The following GPC6 variants were observed in gnomAD, a reference collection of about 807,000 sequenced individuals.
The protein encoded by GPC6 is glypican-6.
GPC6 carries 14 observed loss-of-function variants against 55.2 expected under a neutral mutation model. That is an observed-to-expected ratio of 0.25 (90% confidence interval 0.17 to 0.40). The LOEUF (loss-of-function observed/expected upper bound fraction) is 0.40, where lower values mean the gene tolerates loss of function less well. GPC6 is among the 10% of genes least tolerant of loss of function. The pLI is 1.00. For missense variants in GPC6, 641 were observed against 708.5 expected (o/e 0.90, Z 1.08); for synonymous variants, 278 against 259.6 (o/e 1.07, Z -0.68).
chr13:93,522,541 C>T (rs1270554605), intron 1 of GPC6, among the ~76,000 whole-genome samples: 1 of 151,638 alleles, frequency 6.6e-6, no homozygotes, highest in Non-Finnish European at 1.5e-5. Context: ...AACAATATTC[C>T]CTTTATGGCA....
chr13:93,585,270 AG>A (rs1462968635), intron 2 of GPC6, among the ~76,000 whole-genome samples: 7 of 152,148 alleles, frequency 4.6e-5, no homozygotes. Context: ...TCTTTTTCTC[AG>A]GAAAGTTAAA....
chr13:93,933,657 A>T (rs900733578), intron 3 of GPC6, among the ~76,000 whole-genome samples: 2 of 152,214 alleles, frequency 1.3e-5, no homozygotes, highest in African/African-American at 4.8e-5. Context: ...GTTGGCATAT[A>T]TTCAATAATG....
At chr13:93,543,154 G>A (rs6139935) in intron 1 of GPC6, among the ~76,000 whole-genome samples, 3 of 152,086 alleles carry the variant, frequency 2.0e-5, no homozygotes, top group Non-Finnish European at 1.5e-5. Flanking sequence ...GATATTGGCT[G>A]TGGGTTTGTC....
intron 2 of GPC6, among the ~76,000 whole-genome samples, chr13:93,818,005 AT>A (rs1399812620): frequency 2.0e-5 from 3 of 147,614 alleles, no homozygotes; most frequent in Non-Finnish European, 4.5e-5. Flanking sequence ...AAAAACATAA[AT>A]TATATACTTA....
intron 1 of GPC6, among the ~76,000 whole-genome samples, chr13:93,505,878 T>C (rs1400054652): frequency 6.6e-6 from 1 of 152,218 alleles, no homozygotes; most frequent in African/African-American, 2.4e-5. Flanking sequence ...TAAATTGTAG[T>C]GAATAAGAAG....
intron 3 of GPC6, among the ~76,000 whole-genome samples, chr13:93,941,937 T>C (rs1440216060): frequency 2.0e-5 from 3 of 152,156 alleles, no homozygotes; most frequent in Non-Finnish European, 2.9e-5. Flanking sequence ...CAATTTTGAC[T>C]CTTATTATTT....
At position 93,545,254 on chromosome 13, in the gene GPC6, T is replaced by C. The variant is rs1484909756; in HGVS notation, c.161-9T>C. ...GAATGCAATAGTGACATTTAACTTC[T>C]CATTGCAGGGGAACACTTAAGAATC... On this transcript the variant is annotated splice_polypyrimidine_tract_variant and intron_variant, in intron 1 of 8. Coordinates refer to ENST00000377047, the MANE Select transcript of GPC6 (RefSeq NM_005708.5). 6.2e-7 allele frequency: 1 copy of C among 1,609,364 alleles called. No individual in the cohort carries two copies. Among genetic ancestry groups the C allele is most frequent in the Non-Finnish European group, 8.5e-7 (1 of 1,175,830 alleles).
At chr13:93,615,500 C>T (rs925857125) in intron 2 of GPC6, among the ~76,000 whole-genome samples, 13 of 152,094 alleles carry the variant, frequency 8.5e-5, no homozygotes, top group African/African-American at 2.9e-4. Flanking sequence ...CATGCCTTTT[C>T]CTCCTTTGTC....
chr13:94,241,284 C>T (rs1170506746), intron 4 of GPC6, among the ~76,000 whole-genome samples: 1 of 152,240 alleles, frequency 6.6e-6, no homozygotes, highest in Non-Finnish European at 1.5e-5. Flanking sequence ...TTCAAGCCAC[C>T]TACTTTATGG....
chr13:93,315,566 A>G lies in GPC6; in HGVS notation c.160+87950A>G, dbSNP rs180932558. 2.2e-3 allele frequency among the ~76,000 whole-genome samples: 341 copies of G among 152,066 alleles called. 1 individual carries two copies. The highest frequency in any genetic ancestry group is 7.8e-3 in the African/African-American group (323 of 41,546). On this transcript the variant is annotated intron_variant, in intron 1 of 8. Coordinates refer to ENST00000377047, the MANE Select transcript of GPC6 (RefSeq NM_005708.5). Reference sequence around the variant, plus strand: ...ACTATTTTTTTGACTTTACAAGTAAATCATTCATTTTTGGAAATTTAAGTC... The same window carrying G: ...ACTATTTTTTTGACTTTACAAGTAAGTCATTCATTTTTGGAAATTTAAGTC...
In GPC6 at chr13:93,383,432, G is replaced by A. The variant is rs79089136; in HGVS notation, c.160+155816G>A. Among the ~76,000 whole-genome samples, 442 of 152,244 alleles carry A rather than the reference G, an allele frequency of 2.9e-3. 10 individuals carry two copies. Among genetic ancestry groups the A allele is most frequent in the Admixed American group, 0.026 (397 of 15,296 alleles). On this transcript the variant is annotated intron_variant, in intron 1 of 8. Transcript: ENST00000377047. Reference sequence around the variant, plus strand: ...GAGTCTCGCCATGTTGCTAAGGCTGGTCTGGAACTCCTGGCCTCAAGCAAT... The same window carrying A: ...GAGTCTCGCCATGTTGCTAAGGCTGATCTGGAACTCCTGGCCTCAAGCAAT...
At chr13:93,392,531 A>T (rs745934846) in intron 1 of GPC6, among the ~76,000 whole-genome samples, 6 of 152,224 alleles carry the variant, frequency 3.9e-5, no homozygotes, top group Non-Finnish European at 7.3e-5. Flanking sequence ...CAAGGTTTTA[A>T]CAATTAGAAA....
At chr13:93,898,966 T>TATATATATATATATATATATATATATAC (rs1251225383) in intron 3 of GPC6, among the ~76,000 whole-genome samples, 2 of 137,084 alleles carry the variant, frequency 1.5e-5, no homozygotes, top group African/African-American at 5.3e-5. Flanking sequence ...TATATATATA[T>TATATATATATATATATATATATATATAC]ACACACACAT....
At chr13:93,721,785 T>G (rs1883463648) in intron 2 of GPC6, among the ~76,000 whole-genome samples, 1 of 151,836 alleles carries the variant, frequency 6.6e-6, no homozygotes, top group African/African-American at 2.4e-5. Context: ...ATAGTATACA[T>G]GTATGTCTGT....
intron 2 of GPC6, among the ~76,000 whole-genome samples, chr13:93,683,242 A>C (rs1881920212): frequency 6.6e-6 from 1 of 151,094 alleles, no homozygotes; most frequent in South Asian, 2.1e-4. Flanking sequence ...TTTGCTGTTA[A>C]GTAACTATAG....
At chr13:93,488,430 A>G (rs1879817939) in intron 1 of GPC6, among the ~76,000 whole-genome samples, 1 of 152,188 alleles carries the variant, frequency 6.6e-6, no homozygotes, top group African/African-American at 2.4e-5. Flanking sequence ...CAATAAACAT[A>G]CGTGTGCATG....
At chr13:93,917,861 G>A (rs1250944752) in intron 3 of GPC6, among the ~76,000 whole-genome samples, 1 of 152,210 alleles carries the variant, frequency 6.6e-6, no homozygotes, top group Non-Finnish European at 1.5e-5. Context: ...CACTTTGGGA[G>A]GCTGAGGTGG....
At chr13:93,623,677 C>G (rs1879064523) in intron 2 of GPC6, among the ~76,000 whole-genome samples, 1 of 152,062 alleles carries the variant, frequency 6.6e-6, no homozygotes, top group Non-Finnish European at 1.5e-5. Context: ...CCAGGATGGT[C>G]TTGATCTCCT....
rs540864932 is a variant in GPC6, at chr13:93,552,209, G to A, written c.319+6788G>A. ...AGAAATTAGAGAAGCAGTCTCACTG[G>A]CATGGGAAAGTAATCTGCCAATTTC... On this transcript the variant is annotated intron_variant, in intron 2 of 8. Coordinates refer to ENST00000377047, the MANE Select transcript of GPC6 (RefSeq NM_005708.5). Among the ~76,000 whole-genome samples the A allele has an allele frequency of 1.7e-4, 26 of 152,262 alleles. 1 individual carries two copies. The South Asian group carries it at 5.4e-3, about 32-fold the overall frequency.
Sources: gnomAD v4.1 joint callset for allele counts (sites outside exome capture counted in the v4.1 genomes callset) on GRCh38, gnomAD v4.1.1 for gene constraint, MANE v1.5 for transcripts, NCBI Gene and HGNC (gene_info 2026-07-23, HGNC 2026-07-21) for gene names.